Variants in TAFA4 observed in about 807,000 individuals in gnomAD.
TAFA4 encodes the protein chemokine-like protein TAFA-4.
A neutral mutation model predicts 21.1 loss-of-function variants in TAFA4; 20 were observed. That is an observed-to-expected ratio of 0.95 (90% CI 0.67 to 1.38). TAFA4 has a LOEUF of 1.38. Ranked by LOEUF, TAFA4 falls within the 40% of genes most tolerant of loss-of-function variation. The pLI is 0.00. For missense variants in TAFA4, 211 were observed against 180.9 expected, an observed-to-expected ratio of 1.17 and a Z score of -0.95; for synonymous variants, 71 against 67.4, an observed-to-expected ratio of 1.05 and a Z score of -0.26.
At chr3:68,879,673 G>A (rs1300559718) in intron 3 of TAFA4, among the ~76,000 whole-genome samples, 7 of 152,130 alleles carry the variant, frequency 4.6e-5, no homozygotes, top group African/African-American at 1.2e-4. Context: ...CACTTGAGGA[G>A]GGAAAATTGA....
At chr3:68,773,998 C>T (rs1015251830) in intron 3 of TAFA4, among the ~76,000 whole-genome samples, 12 of 152,092 alleles carry the variant, frequency 7.9e-5, no homozygotes, top group East Asian at 1.9e-4. Context: ...GCCTCTGGAG[C>T]GAGAGACCAA....
chr3:68,778,093 A>G (rs538176486), intron 3 of TAFA4, among the ~76,000 whole-genome samples: 1 of 152,326 alleles, frequency 6.6e-6, no homozygotes, highest in South Asian at 2.1e-4. Flanking sequence ...CTAATTAGAA[A>G]GGCAGAGATT....
At chr3:68,807,139 C>A (rs946355910) in intron 3 of TAFA4, among the ~76,000 whole-genome samples, 1 of 152,224 alleles carries the variant, frequency 6.6e-6, no homozygotes, top group South Asian at 2.1e-4. Context: ...CGGTCTAGGG[C>A]AGCTAATCCA....
chr3:68,791,938 C>G (rs982347808), intron 3 of TAFA4, among the ~76,000 whole-genome samples: 1 of 152,182 alleles, frequency 6.6e-6, no homozygotes, highest in Non-Finnish European at 1.5e-5. Context: ...AGTTTATAAT[C>G]CCTGCTCTCA....
chr3:68,901,243 G>A (rs1269587140), intron 1 of TAFA4, among the ~76,000 whole-genome samples: 1 of 151,830 alleles, frequency 6.6e-6, no homozygotes, highest in Non-Finnish European at 1.5e-5. Flanking sequence ...TCTATTTTTA[G>A]TTCCAAGACT....
In TAFA4 at chr3:68,732,470, G is replaced by T. The variant is rs976077059; in HGVS notation, c.*672C>A. The T allele has an allele frequency of 1.3e-5, 2 of 152,322 alleles. No homozygotes were observed. Among genetic ancestry groups the T allele is most frequent in the African/African-American group, 4.8e-5 (2 of 41,342 alleles). 9.4% of individuals were successfully genotyped at this position (152,322 alleles called of 1,614,324 possible). On this transcript the variant is annotated 3_prime_UTR_variant, in exon 6 of 6. Coordinates refer to ENST00000295569, the MANE Select transcript of TAFA4 (RefSeq NM_182522.5). ...AATTGATATGCTTCCTTAGCACTCA[G>T]TAAAATGGTACATTGAAGTTAAAAC...
At chr3:68,813,144 C>G (rs1212407338) in intron 3 of TAFA4, among the ~76,000 whole-genome samples, 1 of 151,884 alleles carries the variant, frequency 6.6e-6, no homozygotes, top group Non-Finnish European at 1.5e-5. Context: ...AAAGACACAA[C>G]ATACCAGAAT....
chr3:68,835,186 C>G lies in TAFA4; in HGVS notation c.130+45544G>C, dbSNP rs144797646. Among the ~76,000 whole-genome samples, 69 of 152,256 alleles carry G rather than the reference C, an allele frequency of 4.5e-4. No individual in the cohort carries two copies. In the East Asian group the frequency reaches 0.013, roughly 29 times the overall value. ...TCCAAATAGCATCTGCTTAGTAAGG[C>G]CTTCCCTGGTGACCTTATTTGAAAT... is the stretch of plus-strand genomic sequence containing the variant. On this transcript the variant is annotated intron_variant, in intron 3 of 5. Coordinates refer to ENST00000295569, the MANE Select transcript of TAFA4 (RefSeq NM_182522.5).
At chr3:68,743,875 T>TTAG (rs1702403946) in intron 4 of TAFA4, among the ~76,000 whole-genome samples, 1 of 152,156 alleles carries the variant, frequency 6.6e-6, no homozygotes, top group African/African-American at 2.4e-5. Flanking sequence ...ATATTTTAGA[T>TTAG]TAGGAAGTTC....
intron 3 of TAFA4, among the ~76,000 whole-genome samples, chr3:68,829,758 G>A (rs1165327084): frequency 6.6e-6 from 1 of 152,166 alleles, no homozygotes; most frequent in Non-Finnish European, 1.5e-5. Flanking sequence ...GTTTCACAAG[G>A]AATGGTACCT....
chr3:68,887,079 C>A (rs2089680031), intron 1 of TAFA4, among the ~76,000 whole-genome samples: 1 of 152,200 alleles, frequency 6.6e-6, no homozygotes, highest in South Asian at 2.1e-4. Context: ...CCTCAAATGT[C>A]CTCCAGCTGT....
Position 68,836,801 on chromosome 3 carries a change from C to G in TAFA4, c.130+43929G>C, listed in dbSNP as rs11715297. 2.0e-5 allele frequency among the ~76,000 whole-genome samples: 3 copies of G among 151,060 alleles called. No individual in the cohort carries two copies. In the East Asian group the frequency reaches 5.8e-4, roughly 29 times the overall value. ...GAGTCCAGGGGTCAGGGTTCAAGTCCTGACTATGCTACCAGGGTTCAAGTC... is the reference window on the plus strand; with the variant it reads ...GAGTCCAGGGGTCAGGGTTCAAGTCGTGACTATGCTACCAGGGTTCAAGTC... On this transcript the variant is annotated intron_variant, in intron 3 of 5. Coordinates refer to ENST00000295569, the MANE Select transcript of TAFA4 (RefSeq NM_182522.5).
chr3:68,915,981 A>G (rs550646677), intron 1 of TAFA4: 3 of 152,348 alleles, frequency 2.0e-5, no homozygotes, highest in South Asian at 2.1e-4. Flanking sequence ...CTATTTTTCT[A>G]TCTGCAAAGG....
intron 1 of TAFA4, among the ~76,000 whole-genome samples, chr3:68,888,122 A>G (rs1042929197): frequency 6.6e-6 from 1 of 152,106 alleles, no homozygotes; most frequent in Admixed American, 6.6e-5. Context: ...CACATATACT[A>G]GATCATTGCT....
At chr3:68,874,038 T>A (rs1331468767) in intron 3 of TAFA4, among the ~76,000 whole-genome samples, 3 of 152,180 alleles carry the variant, frequency 2.0e-5, no homozygotes, top group African/African-American at 7.2e-5. Flanking sequence ...CAAATTTCTC[T>A]ATTGTTCCCT....
At chr3:68,808,388 C>T (rs994726192) in intron 3 of TAFA4, among the ~76,000 whole-genome samples, 1 of 152,170 alleles carries the variant, frequency 6.6e-6, no homozygotes, top group Admixed American at 6.6e-5. Context: ...TAGAATGAAG[C>T]AGTACTAATG....
At chr3:68,912,775 A>G (rs879429711) in intron 1 of TAFA4, among the ~76,000 whole-genome samples, 2 of 152,232 alleles carry the variant, frequency 1.3e-5, no homozygotes, top group South Asian at 2.1e-4. Context: ...CAAAGCCCCA[A>G]GAATACCCTC....
chr3:68,784,287 T>C (rs1410583320), intron 3 of TAFA4, among the ~76,000 whole-genome samples: 2 of 152,212 alleles, frequency 1.3e-5, no homozygotes, highest in South Asian at 2.1e-4. Flanking sequence ...GTGTCCGGAA[T>C]TGGTGGGTTC....
At chr3:68,805,333 G>A (rs1301299266) in intron 3 of TAFA4, among the ~76,000 whole-genome samples, 1 of 152,188 alleles carries the variant, frequency 6.6e-6, no homozygotes, top group Non-Finnish European at 1.5e-5. Flanking sequence ...TGGAGAAATA[G>A]GAACACTTTT....
Sources: gnomAD v4.1 joint callset for allele counts (sites outside exome capture counted in the v4.1 genomes callset) on GRCh38, gnomAD v4.1.1 for gene constraint, MANE v1.5 for transcripts, NCBI Gene and HGNC (gene_info 2026-07-23, HGNC 2026-07-21) for gene names.